OPHN1: variants seen among roughly 807,000 people sequenced by gnomAD.
The protein encoded by OPHN1 is oligophrenin 1, also known as oligophrenin-1.
In OPHN1, 11 loss-of-function variants were observed where a neutral mutation model predicts 60.7. The ratio of observed to expected loss-of-function variants is 0.18; its 90% CI spans 0.11 to 0.30. The LOEUF is 0.30. OPHN1 is among the 10% of genes least tolerant of loss of function. The pLI, the probability that OPHN1 is intolerant of heterozygous loss-of-function variation, is 1.00. For synonymous variants in OPHN1, 226 were observed against 222.6 expected, an observed-to-expected ratio of 1.02 and a Z score of -0.14; for missense variants, 449 against 611.0, an observed-to-expected ratio of 0.73 and a Z score of 2.80.
chrX:68,113,296 T>C (rs1050887401), intron 16 of OPHN1, 57 bp from the exon 17 acceptor site: 14 of 990,904 alleles, frequency 1.4e-5, no homozygotes, highest in Non-Finnish European at 1.7e-5. Flanking sequence ...GGTATTGGAT[T>C]CTTAGTTCTG....
intron 2 of OPHN1, among the ~76,000 whole-genome samples, chrX:68,329,876 T>C (rs2078286031): frequency 8.9e-6 from 1 of 111,982 alleles, no homozygotes; most frequent in Middle Eastern, 4.2e-3. Context: ...GCCTGAACTA[T>C]GTAAAATAAA....
At chrX:68,407,364 C>T (rs1481939298) in intron 2 of OPHN1, among the ~76,000 whole-genome samples, 1 of 111,648 alleles carries the variant, frequency 9.0e-6, no homozygotes, top group Non-Finnish European at 1.9e-5. Context: ...ATAATGATGC[C>T]TATATGTTCT....
intron 2 of OPHN1, among the ~76,000 whole-genome samples, chrX:68,317,732 A>C (rs1243514585): frequency 9.1e-6 from 1 of 110,387 alleles, no homozygotes; most frequent in African/African-American, 3.3e-5. Context: ...AGAAAAGAAA[A>C]GAAAAAAGAA....
chrX:68,334,529 A>G (rs11796608), intron 2 of OPHN1, among the ~76,000 whole-genome samples: 3,068 of 111,928 alleles, frequency 0.027, 49 homozygotes, highest in Non-Finnish European at 0.038. Flanking sequence ...ACATTTTGAT[A>G]TCGATGAATT....
Position 68,070,527 on chromosome X carries a change from T to C in OPHN1, c.1834+2625A>G, listed in dbSNP as rs182937580. On this transcript the variant is annotated intron_variant, in intron 20 of 24. Coordinates refer to ENST00000355520, the MANE Select transcript of OPHN1 (RefSeq NM_002547.3). Reference sequence around the variant, plus strand: ...CTAAAAGGCAGAAAAGTACTAAATATTGCCGAGAGCATCCACCCCAGGAAG... The same window carrying C: ...CTAAAAGGCAGAAAAGTACTAAATACTGCCGAGAGCATCCACCCCAGGAAG... The C allele has an allele frequency of 3.9e-3, 2,527 of 652,039 alleles. 6 individuals carry two copies. The highest frequency in any genetic ancestry group is 5.9e-3 in the Non-Finnish European group (2,293 of 387,065). The allele number at this position is 652,039 out of a possible 1,213,427, so 53.7% of individuals were successfully genotyped here.
chrX:68,384,846 C>T (rs926696041), intron 2 of OPHN1, among the ~76,000 whole-genome samples: 2 of 111,250 alleles, frequency 1.8e-5, no homozygotes, highest in African/African-American at 3.3e-5. Context: ...CTTATAAGTG[C>T]GAACTAAGCT....
intron 15 of OPHN1, among the ~76,000 whole-genome samples, chrX:68,124,518 C>G (rs1459360030): frequency 9.0e-6 from 1 of 111,316 alleles, no homozygotes; most frequent in Non-Finnish European, 1.9e-5. Context: ...AACAAAGAAG[C>G]ATTCGACTTA....
At chrX:68,142,708 T>A (rs1042839131) in intron 15 of OPHN1, among the ~76,000 whole-genome samples, 3 of 112,235 alleles carry the variant, frequency 2.7e-5, no homozygotes, top group African/African-American at 9.7e-5. Context: ...TGAGAATATC[T>A]CAGACATGGT....
chrX:68,431,583 A>ATTTTTTT (rs367572189), intron 2 of OPHN1, among the ~76,000 whole-genome samples: 3 of 93,583 alleles, frequency 3.2e-5, no homozygotes, highest in Non-Finnish European at 4.2e-5. Context: ...TGCCCAGCTA[A>ATTTTTTT]TTTTTTTTTT....
chrX:68,228,265 A>G (rs766641658), intron 6 of OPHN1, among the ~76,000 whole-genome samples: 72 of 112,098 alleles, frequency 6.4e-4, no homozygotes, highest in African/African-American at 2.2e-3. Flanking sequence ...GGCAATAATT[A>G]ATAGCCTACC....
chrX:68,173,221 A>G (rs1427553014), intron 15 of OPHN1, among the ~76,000 whole-genome samples: 3 of 111,273 alleles, frequency 2.7e-5, no homozygotes, highest in African/African-American at 9.8e-5. Context: ...CATTTCCTCT[A>G]CAGTATTTCC....
At chrX:68,100,998 G>A (rs1602156138) in intron 18 of OPHN1, among the ~76,000 whole-genome samples, 2 of 111,082 alleles carry the variant, frequency 1.8e-5, no homozygotes, top group African/African-American at 3.3e-5. Context: ...CGCCCGCCTC[G>A]GCCTTCCAAA....
intron 2 of OPHN1, among the ~76,000 whole-genome samples, chrX:68,393,903 T>G (rs1413054281): frequency 2.5e-5 from 2 of 80,366 alleles, no homozygotes; most frequent in African/African-American, 8.3e-5. Context: ...TTTTTTTTTT[T>G]TTTTTTTTTT....
chrX:68,293,917 G>A (rs1320414099), intron 3 of OPHN1, among the ~76,000 whole-genome samples: 1 of 111,029 alleles, frequency 9.0e-6, no homozygotes, highest in Non-Finnish European at 1.9e-5. Flanking sequence ...AGGCTTCCAT[G>A]TTTATTCTCC....
intron 12 of OPHN1, among the ~76,000 whole-genome samples, chrX:68,195,004 A>G (rs59996250): frequency 0.13 from 1,606 of 12,172 alleles, 70 homozygotes; most frequent in African/African-American, 0.32. Context: ...GAGAGAAAGA[A>G]AGGAAGGAAG....
At chrX:68,219,431 T>A (rs12013951) in intron 6 of OPHN1, among the ~76,000 whole-genome samples, 36 of 104,437 alleles carry the variant, frequency 3.4e-4, no homozygotes, top group Admixed American at 3.0e-3. Flanking sequence ...CAAGCGGACC[T>A]AATAGACATC....
rs754108566 is a variant in OPHN1 at position 68,433,242 on chromosome X, C to A, written c.-79G>T. 1.7e-5 allele frequency: 7 copies of A among 404,462 alleles called. No homozygotes were observed. The highest frequency in any genetic ancestry group is 5.0e-5 in the African/African-American group (2 of 40,115). 33.3% of individuals were successfully genotyped at this position (404,462 alleles called of 1,213,427 possible). A position where few individuals can be genotyped will look rare whatever the true frequency, so the allele number is the denominator to read the frequency against. On this transcript the variant is annotated 5_prime_UTR_variant, in exon 1 of 25. Coordinates refer to ENST00000355520, the MANE Select transcript of OPHN1 (RefSeq NM_002547.3). ...AGGCGCCCCGGCGATGGCTTCAGGG[C>A]CAGGGAGAGCTAACTATCGCAGTCG...
intron 15 of OPHN1, among the ~76,000 whole-genome samples, chrX:68,134,866 C>G (rs1487540569): frequency 9.0e-6 from 1 of 111,258 alleles, no homozygotes; most frequent in East Asian, 2.8e-4. Context: ...TGTTCTTCAC[C>G]TTGTTTCCAA....
At chrX:68,184,700 G>A (rs758536471) in intron 15 of OPHN1, among the ~76,000 whole-genome samples, 2 of 109,794 alleles carry the variant, frequency 1.8e-5, no homozygotes, top group African/African-American at 3.3e-5. Context: ...AGGTTCAAGC[G>A]ATTCTCCTGC....
Sources: gnomAD v4.1 joint callset for allele counts (sites outside exome capture counted in the v4.1 genomes callset) on GRCh38, gnomAD v4.1.1 for gene constraint, MANE v1.5 for transcripts, NCBI Gene and HGNC (gene_info 2026-07-23, HGNC 2026-07-21) for gene names.